The following PATJ variants were observed in gnomAD, a reference collection of about 807,000 sequenced individuals.
PATJ encodes the protein PATJ crumbs cell polarity complex component, also known as inaD-like protein.
PATJ carries 190 observed loss-of-function variants against 224.9 expected under a neutral mutation model. The ratio of observed to expected loss-of-function variants is 0.84; its 90% CI spans 0.75 to 0.95. The LOEUF (loss-of-function observed/expected upper bound fraction) is 0.95, where lower values mean the gene tolerates loss of function less well. PATJ is among the 40% of genes least tolerant of loss of function. The pLI, the probability that PATJ is intolerant of heterozygous loss-of-function variation, is 0.00. For synonymous variants in PATJ, 769 were observed against 820.3 expected (o/e 0.94, Z 1.07); for missense variants, 2,121 against 2,270.3 (o/e 0.93, Z 1.34).
rs149679197 is a variant in PATJ at position 61,937,771 on chromosome 1, C to T, written c.3670+9942C>T. The stretch of plus-strand genomic sequence containing the variant: ...ATTCAAGTGATTCTCCTGCCTCAGC[C>T]TCCCAAGTAGCTGAGATTACAGGCA... On this transcript the variant is annotated intron_variant, in intron 27 of 43. Transcript: ENST00000642238. 4.6e-3 allele frequency among the ~76,000 whole-genome samples: 694 copies of T among 152,024 alleles called. 4 individuals are homozygous for T. Among genetic ancestry groups the T allele is most frequent in the Middle Eastern group, 0.031 (9 of 294 alleles).
At chr1:61,752,102 T>C (rs1645364944) in intron 1 of PATJ, among the ~76,000 whole-genome samples, 2 of 140,932 alleles carry the variant, frequency 1.4e-5, no homozygotes, top group Admixed American at 1.5e-4. Context: ...CTCTCCATTG[T>C]ACTCCAGCCT....
chr1:61,860,899 A>G (rs1664432601), intron 18 of PATJ, among the ~76,000 whole-genome samples: 2 of 151,958 alleles, frequency 1.3e-5, no homozygotes, highest in African/African-American at 4.8e-5. Context: ...CTAGTACCAG[A>G]CAGCCAGGGT....
At chr1:61,817,057 G>A (rs1203551807) in intron 14 of PATJ, among the ~76,000 whole-genome samples, 1 of 152,182 alleles carries the variant, frequency 6.6e-6, no homozygotes, top group East Asian at 1.9e-4. Flanking sequence ...AAGACAGATG[G>A]AAGCTTATTG....
rs761278812 is a variant in PATJ, at chr1:62,125,236, C to CAAAAAAAAAAAAAAAAAA, written c.5043+2195_5043+2196insAAAAAAAAAAAAAAAAAA. Among the ~76,000 whole-genome samples, 14 of 27,744 alleles carry CAAAAAAAAAAAAAAAAAA rather than the reference C, an allele frequency of 5.0e-4. 2 individuals are homozygous for CAAAAAAAAAAAAAAAAAA. The highest frequency in any genetic ancestry group is 3.1e-3 in the South Asian group (2 of 638). The allele number at this position is 27,744 out of a possible 152,430, so 18.2% of individuals were successfully genotyped here. ...TGGGTGACAGAGTAAAACCCTGTCT[C>CAAAAAAAAAAAAAAAAAA]AAAAAAAAAAAAAAAAACAAAAAAA... On this transcript the variant is annotated intron_variant, in intron 39 of 43. Coordinates refer to ENST00000642238, the MANE Select transcript of PATJ (RefSeq NM_001350145.3).
At chr1:61,941,747 A>G (rs1227368311) in intron 27 of PATJ, among the ~76,000 whole-genome samples, 4 of 152,220 alleles carry the variant, frequency 2.6e-5, no homozygotes, top group Non-Finnish European at 5.9e-5. Context: ...AAATTTTAAT[A>G]TAAAAACTTA....
chr1:61,764,420 ATTTT>A (rs59652657), intron 3 of PATJ, among the ~76,000 whole-genome samples: 9 of 147,684 alleles, frequency 6.1e-5, no homozygotes, highest in Admixed American at 6.7e-5. Context: ...CAGTTGTGGG[ATTTT>A]TTTTTTTTTT....
chr1:61,960,248 C>T (rs1571516541), intron 27 of PATJ, among the ~76,000 whole-genome samples: 1 of 152,102 alleles, frequency 6.6e-6, no homozygotes, highest in Non-Finnish European at 1.5e-5. Flanking sequence ...AAGCACTTAC[C>T]TCTTTGGATT....
At chr1:62,084,796 G>A (rs912936130) in intron 33 of PATJ, 148 bp downstream of exon 33, 27 of 837,234 alleles carry the variant, frequency 3.2e-5, no homozygotes, top group African/African-American at 3.5e-5. Context: ...CCATAGTCTA[G>A]CTAGTTTTCA....
chr1:61,939,791 A>C (rs910756489), intron 27 of PATJ, among the ~76,000 whole-genome samples: 2 of 139,062 alleles, frequency 1.4e-5, no homozygotes, highest in African/African-American at 5.5e-5. Flanking sequence ...CTCCTGCCTC[A>C]GCCTCCCGAA....
At chr1:61,771,705 G>T in intron 6 of PATJ, 79 bp downstream of exon 6, 1 of 1,030,586 alleles carries the variant, frequency 9.7e-7, no homozygotes, top group Non-Finnish European at 1.3e-6. Context: ...TTTAGAAGGT[G>T]TCATTTTACC....
Position 61,927,731 on chromosome 1 carries a change from G to A in PATJ, c.3572G>A (p.Arg1191Lys). 6.2e-7 allele frequency: 1 copy of A among 1,610,114 alleles called. No homozygotes were observed. The highest frequency in any genetic ancestry group is 8.5e-7 in the Non-Finnish European group (1 of 1,177,416). Residue 1191 changes from arginine to lysine, a missense_variant and splice_region_variant, in exon 27 of 44, where the codon AGG becomes AAG. Coordinates refer to ENST00000642238, the MANE Select transcript of PATJ (RefSeq NM_001350145.3). ...TTCTCTCAAATTTTGCATCTTCAGA[G>A]GCAAGGAACTGCTCCACCGCCAATG... ...NQDTQEKKEKRQGTAPPPMKL... is the reference protein window; with the variant it reads ...NQDTQEKKEKKQGTAPPPMKL...
chr1:61,871,387 G>GTATA (rs200638777), intron 20 of PATJ, among the ~76,000 whole-genome samples: 1,062 of 89,518 alleles, frequency 0.012, 20 homozygotes, highest in African/African-American at 0.041. Flanking sequence ...AATTTTTTGT[G>GTATA]TATATATATA....
At position 62,144,777 on chromosome 1, in the gene PATJ, A is replaced by AATATATATATATAT. The variant is rs1553280095; in HGVS notation, c.5272-3501_5272-3488dup. On this transcript the variant is annotated intron_variant, in intron 41 of 43. Transcript: ENST00000642238. ...TAGAATGTTATTTGCAAAAAAAAAA[A>AATATATATATATAT]ATATATATATATATATATAATTAGC... Among the ~76,000 whole-genome samples the AATATATATATATAT allele has an allele frequency of 9.7e-4, 115 of 119,084 alleles. 1 individual carries two copies. Among genetic ancestry groups the AATATATATATATAT allele is most frequent in the African/African-American group, 3.8e-3 (110 of 29,294 alleles). The allele number at this position is 119,084 out of a possible 152,430, so 78.1% of individuals were successfully genotyped here.
intron 24 of PATJ, among the ~76,000 whole-genome samples, chr1:61,905,054 C>G (rs562161093): frequency 2.0e-5 from 3 of 150,384 alleles, no homozygotes; most frequent in Non-Finnish European, 4.4e-5. Context: ...GACCCTCTAT[C>G]TACAAAGAAA....
chr1:62,004,826 G>A (rs1227206022), intron 28 of PATJ, among the ~76,000 whole-genome samples: 1 of 152,156 alleles, frequency 6.6e-6, no homozygotes, highest in Non-Finnish European at 1.5e-5. Context: ...TATGATCATT[G>A]CTGACATTTA....
rs187792687 is a variant in PATJ at position 61,829,063 on chromosome 1, C to T, written c.1980+1480C>T. 8.8e-4 allele frequency among the ~76,000 whole-genome samples: 134 copies of T among 152,302 alleles called. 1 individual carries two copies. The highest frequency in any genetic ancestry group is 1.7e-3 in the Non-Finnish European group (114 of 68,030). On this transcript the variant is annotated intron_variant, in intron 16 of 43. Coordinates refer to ENST00000642238, the MANE Select transcript of PATJ (RefSeq NM_001350145.3). ...AACAGTCGGCTATGGCTGTTTGAGT[C>T]TCTGCCAGTCCATCCGTTTTTGTTT...
chr1:61,914,680 C>A lies in PATJ; in HGVS notation c.3570+16C>A. On this transcript the variant is annotated intron_variant, in intron 26 of 43. Coordinates refer to ENST00000642238, the MANE Select transcript of PATJ (RefSeq NM_001350145.3). The stretch of plus-strand genomic sequence containing the variant: ...GAAAGAAAAGGTAACTTGAACCTCT[C>A]AAGGATTTAAAAAATGTTTTTGTTT... 6.9e-7 allele frequency: 1 copy of A among 1,458,858 alleles called. No homozygotes were observed. The allele number at this position is 1,458,858 out of a possible 1,614,324, so 90.4% of individuals were successfully genotyped here.
intron 42 of PATJ, among the ~76,000 whole-genome samples, chr1:62,152,811 G>C (rs977921220): frequency 6.6e-6 from 1 of 152,080 alleles, no homozygotes; most frequent in African/African-American, 2.4e-5. Context: ...AGGATGTGAC[G>C]ACAGCTTCCT....
chr1:62,139,675 A>G (rs188687300), intron 41 of PATJ, among the ~76,000 whole-genome samples: 9 of 152,226 alleles, frequency 5.9e-5, no homozygotes, highest in Non-Finnish European at 1.2e-4. Context: ...TCTGCTGCCT[A>G]TCAAGTTACT....
Sources: allele counts gnomAD v4.1 joint callset (sites outside exome capture counted in the v4.1 genomes callset), GRCh38; gene constraint gnomAD v4.1.1; transcripts MANE v1.5; gene names NCBI Gene and HGNC (gene_info 2026-07-23, HGNC 2026-07-21).